Variants in ITPR3 observed in about 807,000 individuals in gnomAD.
ITPR3 encodes the protein inositol 1,4,5-trisphosphate receptor type 3, also known as inositol 1,4,5-trisphosphate-gated calcium channel ITPR3.
ITPR3 carries 173 observed loss-of-function variants against 293.2 expected under a neutral mutation model. That is an observed-to-expected ratio of 0.59 (90% CI 0.52 to 0.67). The LOEUF (loss-of-function observed/expected upper bound fraction) is 0.67. Ranked by LOEUF, ITPR3 falls within the 30% of genes least tolerant of loss-of-function variation. ITPR3 has a pLI of 0.00. For synonymous variants in ITPR3, 1,295 were observed against 1,444.4 expected, an observed-to-expected ratio of 0.90 and a Z score of 2.35; for missense variants, 2,796 against 3,592.1, an observed-to-expected ratio of 0.78 and a Z score of 5.66.
intron 3 of ITPR3, 38 bp from the exon 4 acceptor site, chr6:33,657,894 T>G: frequency 1.3e-6 from 2 of 1,595,532 alleles, no homozygotes; most frequent in Non-Finnish European, 1.7e-6. Context: ...AGGAGCAGCT[T>G]CTGAGCCCAC....
In ITPR3 at chr6:33,692,594, G is replaced by A. The variant is rs3818523; in HGVS notation, c.7459-134G>A. 0.51 allele frequency: 409,746 copies of A among 804,604 alleles called. 112,129 individuals are homozygous for A. Among genetic ancestry groups the A allele is most frequent in the East Asian group, 0.87 (33,198 of 38,336 alleles). 49.8% of individuals were successfully genotyped at this position (804,604 alleles called of 1,614,324 possible). A position where few individuals can be genotyped will look rare whatever the true frequency, so the allele number is the denominator to read the frequency against. ...CCACTCTGCCATCTGATGGCCCCCAGGCCAGAGGCCCTCATTTCCTTCTGC... is the reference window on the plus strand; with the variant it reads ...CCACTCTGCCATCTGATGGCCCCCAAGCCAGAGGCCCTCATTTCCTTCTGC... On this transcript the variant is annotated intron_variant, in intron 54 of 57. Coordinates refer to ENST00000605930, the MANE Select transcript of ITPR3 (RefSeq NM_002224.4). The surrounding 1 kb of genome is among the most constrained non-coding windows in gnomAD (Gnocchi z 4.2).
At position 33,687,190 on chromosome 6, in the gene ITPR3, AG is replaced by A; in HGVS notation, c.6076-34del. On this transcript the variant is annotated intron_variant, in intron 44 of 57. Coordinates refer to ENST00000605930, the MANE Select transcript of ITPR3 (RefSeq NM_002224.4). This position sits in a 1 kb window ranked among gnomAD's most constrained non-coding sequence, Gnocchi z 5.3. ...AGGGCCCGGCTGGCCCTACCGCCCT[AG>A]GAAGAGAGCATTGGAACAGGCACTG... The A allele has an allele frequency of 1.3e-6, 2 of 1,597,046 alleles. No individual in the cohort carries two copies. Among genetic ancestry groups the A allele is most frequent in the Non-Finnish European group, 1.7e-6 (2 of 1,165,078 alleles).
intron 47 of ITPR3, 22 bp downstream of exon 47, chr6:33,688,189 GCGGGCGTGGGAGCCTGCGC>G: frequency 1.9e-6 from 3 of 1,613,896 alleles, no homozygotes; most frequent in Non-Finnish European, 2.5e-6. Context: ...GGCAGCAGGG[GCGGGCGTGGGAGCCTGCGC>G]CGGGCGTGAC....
chr6:33,659,807 G>T (rs1185476011), intron 7 of ITPR3, among the ~76,000 whole-genome samples: 2 of 152,108 alleles, frequency 1.3e-5, no homozygotes, highest in Non-Finnish European at 2.9e-5. Context: ...CTTGTTTAAG[G>T]GGGTGTCAGT....
In ITPR3 at chr6:33,662,985, A is replaced by G; in HGVS notation, c.933A>G (p.Thr311=). Residue 311 remains threonine (T), a synonymous_variant, in exon 9 of 58, where the codon ACA becomes ACG. Coordinates refer to ENST00000605930, the MANE Select transcript of ITPR3 (RefSeq NM_002224.4). ...NGLYRFKHLA[T]GNYLAAEENP... is the part of the protein sequence containing the mutation. Reference sequence around the variant, plus strand: ...TGTACCGCTTCAAGCACCTGGCTACAGGCAACTACCTGGCTGCTGAGGTGA... The same window carrying G: ...TGTACCGCTTCAAGCACCTGGCTACGGGCAACTACCTGGCTGCTGAGGTGA... 6.2e-7 allele frequency: 1 copy of G among 1,602,356 alleles called. No individual in the cohort carries two copies. Among genetic ancestry groups the G allele is most frequent in the South Asian group, 1.1e-5 (1 of 88,842 alleles).
intron 2 of ITPR3, among the ~76,000 whole-genome samples, chr6:33,643,344 C>T (rs1414495853): frequency 2.0e-5 from 3 of 152,220 alleles, no homozygotes; most frequent in East Asian, 3.9e-4. Context: ...GCCCCCACCA[C>T]CCCCACCTCG....
chr6:33,687,395 A>AC lies in ITPR3; in HGVS notation c.6177+68_6177+69insC. 6.9e-7 allele frequency: 1 copy of AC among 1,455,994 alleles called. No individual in the cohort carries two copies. The highest frequency in any genetic ancestry group is 9.5e-7 in the Non-Finnish European group (1 of 1,057,850). The allele number at this position is 1,455,994 out of a possible 1,614,324, so 90.2% of individuals were successfully genotyped here. A position where few individuals can be genotyped will look rare whatever the true frequency, so the allele number is the denominator to read the frequency against. ...ACCATACCCCGCCCCAGCTGCCATC[A>AC]TCCCCCAGTCGCCATTGTCGCCCCC... is the stretch of plus-strand genomic sequence containing the variant. On this transcript the variant is annotated intron_variant, in intron 45 of 57. Transcript: ENST00000605930. The surrounding 1 kb of genome is among the most constrained non-coding windows in gnomAD (Gnocchi z 5.3).
chr6:33,695,024 T>C lies in ITPR3; in HGVS notation c.7886T>C (p.Leu2629Pro). 6.2e-7 allele frequency: 1 copy of C among 1,614,018 alleles called. No individual in the cohort carries two copies. Among genetic ancestry groups the C allele is most frequent in the Non-Finnish European group, 8.5e-7 (1 of 1,180,008 alleles). ...GAGATTCGGATTCTCCAGGACAAGCTCAACTCCACCATGAAGCTGGTGTCC... is the reference window on the plus strand; with the variant it reads ...GAGATTCGGATTCTCCAGGACAAGCCCAACTCCACCATGAAGCTGGTGTCC... ...QNEIRILQDKLNSTMKLVSHL... is the reference protein window; with the variant it reads ...QNEIRILQDKPNSTMKLVSHL... The change falls in exon 57 of 58, where the codon CTC becomes CCC. Residue 2629 changes from leucine (L) to proline (P), a missense_variant. By Grantham distance (98) the Leu-to-Pro change is moderately conservative (BLOSUM62 -3). This residue lies in a region of ITPR3 where 568 missense variants were observed against 796.1 expected (regional missense o/e 0.71). Transcript: ENST00000605930.
At position 33,683,397 on chromosome 6, in the gene ITPR3, G is replaced by A. The variant is rs1289189546; in HGVS notation, c.4788G>A (p.Gln1596=). 2 of 1,555,216 alleles carry A rather than the reference G, an allele frequency of 1.3e-6. No individual in the cohort carries two copies. Among genetic ancestry groups the A allele is most frequent in the South Asian group, 1.2e-5 (1 of 82,990 alleles). ...ACAAGAACATCATTGAGAAGCTGCA[G>A]GTGGGTGTGGGGCTGCCTGGCATCT... The part of the protein sequence containing the change: ...WDYKNIIEKL[Q]DIITALEERL... Residue 1596 remains glutamine, a splice_region_variant and synonymous_variant, in exon 35 of 58, where the codon CAG becomes CAA. Coordinates refer to ENST00000605930, the MANE Select transcript of ITPR3 (RefSeq NM_002224.4). This position sits in a 1 kb window ranked among gnomAD's most constrained non-coding sequence, Gnocchi z 4.5.
rs758202660 is a variant in ITPR3, at chr6:33,667,166, G to C, written c.1589G>C (p.Gly530Ala). ...GILKAPFREK[G>A]GEGPLVRLEE... The stretch of plus-strand genomic sequence containing the variant: ...CTGAAGGCCCCGTTCCGTGAGAAGG[G>C]GGGTGAAGGTCCCCTGGTGCGGCTG... The change falls in exon 15 of 58, where the codon GGG becomes GCG. Residue 530 changes from glycine to alanine, a missense_variant. By Grantham distance (60) the Gly-to-Ala change is moderately conservative. Coordinates refer to ENST00000605930, the MANE Select transcript of ITPR3 (RefSeq NM_002224.4). This position sits in a 1 kb window ranked among gnomAD's most constrained non-coding sequence, Gnocchi z 4.4. 1.9e-6 allele frequency: 3 copies of C among 1,614,168 alleles called. No individual in the cohort carries two copies. The highest frequency in any genetic ancestry group is 1.3e-5 in the African/African-American group (1 of 75,040).
intron 2 of ITPR3, among the ~76,000 whole-genome samples, chr6:33,651,046 A>G (rs7754922): frequency 0.94 from 143,304 of 151,942 alleles, 67,973 homozygotes; most frequent in East Asian, 1. Context: ...GGAGGCCGAG[A>G]CGGGTGGATC....
intron 2 of ITPR3, among the ~76,000 whole-genome samples, chr6:33,643,501 G>T (rs10947421): frequency 0.22 from 32,895 of 152,256 alleles, 4,074 homozygotes; most frequent in South Asian, 0.3. Flanking sequence ...GCTATGTGTG[G>T]CACCCACGCT....
At chr6:33,642,776 G>A (rs539536566) in intron 2 of ITPR3, among the ~76,000 whole-genome samples, 14 of 152,150 alleles carry the variant, frequency 9.2e-5, no homozygotes, top group Non-Finnish European at 1.8e-4. Context: ...CCATATCCTC[G>A]CTGGGTCCAT....
rs190572901 is a variant in ITPR3 at position 33,638,360 on chromosome 6, G to A, written c.90-2124G>A. ...TTGGTGGTCAACCTAACCTTCAGCG[G>A]CTCTCTCCTTCCAGGAGGAGGTCGT... On this transcript the variant is annotated intron_variant, in intron 1 of 57. Coordinates refer to ENST00000605930, the MANE Select transcript of ITPR3 (RefSeq NM_002224.4). This position sits in a 1 kb window ranked among gnomAD's most constrained non-coding sequence, Gnocchi z 4.3. 6.6e-6 allele frequency among the ~76,000 whole-genome samples: 1 copy of A among 152,208 alleles called. No homozygotes were observed. The highest frequency in any genetic ancestry group is 1.9e-4 in the East Asian group (1 of 5,204).
intron 2 of ITPR3, among the ~76,000 whole-genome samples, chr6:33,649,728 C>T (rs1471824082): frequency 2.6e-5 from 4 of 152,194 alleles, no homozygotes; most frequent in Admixed American, 2.0e-4. Context: ...CTTGGATCCT[C>T]TACTCTGGTG....
intron 2 of ITPR3, among the ~76,000 whole-genome samples, chr6:33,652,901 T>C (rs1468160019): frequency 6.6e-6 from 1 of 151,922 alleles, no homozygotes; most frequent in African/African-American, 2.4e-5. Context: ...GAAAGTAACT[T>C]TAAAAATATA....
In ITPR3 at chr6:33,692,207, A is replaced by G. The variant is rs1765414286; in HGVS notation, c.7458+279A>G. On this transcript the variant is annotated intron_variant, in intron 54 of 57. Coordinates refer to ENST00000605930, the MANE Select transcript of ITPR3 (RefSeq NM_002224.4). The surrounding 1 kb of genome is among the most constrained non-coding windows in gnomAD (Gnocchi z 4.2). Reference sequence around the variant, plus strand: ...ACCACTGGCTTTCCTAGCCCACAGCAGGTGGGCAGAGGGCGGAGCTGAGTC... The same window carrying G: ...ACCACTGGCTTTCCTAGCCCACAGCGGGTGGGCAGAGGGCGGAGCTGAGTC... 6.6e-6 allele frequency among the ~76,000 whole-genome samples: 1 copy of G among 152,246 alleles called. No homozygotes were observed. The highest frequency in any genetic ancestry group is 2.4e-5 in the African/African-American group (1 of 41,460).
intron 29 of ITPR3, 47 bp downstream of exon 29, chr6:33,678,590 G>T: frequency 6.4e-7 from 1 of 1,566,240 alleles, no homozygotes; most frequent in Middle Eastern, 1.7e-4. Flanking sequence ...GGGGATGGGG[G>T]GTGGGGGCGG....
Position 33,629,759 on chromosome 6 carries a change from C to T in ITPR3, c.89+8068C>T, listed in dbSNP as rs572863404. On this transcript the variant is annotated intron_variant, in intron 1 of 57. Coordinates refer to ENST00000605930, the MANE Select transcript of ITPR3 (RefSeq NM_002224.4). ...CCTCCCAAAGTGTTGGGATTACAGG[C>T]GTGAGCCACCACGCCGGGCCTGACC... 2.3e-3 allele frequency among the ~76,000 whole-genome samples: 345 copies of T among 150,922 alleles called. 1 individual carries two copies. Among genetic ancestry groups the T allele is most frequent in the Non-Finnish European group, 3.6e-3 (246 of 67,742 alleles).
Sources: allele counts gnomAD v4.1 joint callset (sites outside exome capture counted in the v4.1 genomes callset), GRCh38; gene constraint gnomAD v4.1.1; regional missense constraint gnomAD v4.1.1; non-coding constraint Gnocchi (gnomAD v3.1); transcripts MANE v1.5; gene names NCBI Gene and HGNC (gene_info 2026-07-23, HGNC 2026-07-21).